Variants in RGSL1 observed in about 807,000 individuals in gnomAD.
The protein encoded by RGSL1 is regulator of G protein signaling like 1, also known as regulator of G protein signaling protein-like.
In RGSL1, 97 loss-of-function variants were observed where a neutral mutation model predicts 124.7. The ratio of observed to expected loss-of-function variants is 0.78; its 90% CI spans 0.66 to 0.92. The LOEUF (loss-of-function observed/expected upper bound fraction) is 0.92, where lower values mean the gene tolerates loss of function less well. Ranked by LOEUF, RGSL1 falls within the 40% of genes least tolerant of loss-of-function variation. The pLI is 0.00. For missense variants in RGSL1, 1,233 were observed against 1,288.4 expected, an observed-to-expected ratio of 0.96 and a Z score of 0.66; for synonymous variants, 424 against 438.1, an observed-to-expected ratio of 0.97 and a Z score of 0.40.
intron 14 of RGSL1, among the ~76,000 whole-genome samples, chr1:182,538,555 T>C (rs915490716): frequency 4.0e-5 from 6 of 151,224 alleles, no homozygotes; most frequent in Non-Finnish European, 8.8e-5. Flanking sequence ...AGCAGATTAG[T>C]AACTGTAGCC....
chr1:182,461,704 A>G (rs561731971), intron 4 of RGSL1, among the ~76,000 whole-genome samples: 133 of 152,322 alleles, frequency 8.7e-4, no homozygotes, highest in African/African-American at 3.1e-3. Context: ...GAAAAGCACA[A>G]CTAAAATGAA....
At chr1:182,522,698 A>G (rs764097002) in intron 10 of RGSL1, among the ~76,000 whole-genome samples, 20 of 152,188 alleles carry the variant, frequency 1.3e-4, no homozygotes, top group Non-Finnish European at 2.8e-4. Flanking sequence ...TTCTCCAAAT[A>G]TTATGTTTGC....
intron 12 of RGSL1, 101 bp from the exon 13 acceptor site, chr1:182,530,689 A>C: frequency 7.6e-7 from 1 of 1,313,894 alleles, no homozygotes; most frequent in South Asian, 1.6e-5. Context: ...CCCAATTACC[A>C]CTGAGAGTTC....
rs1432651123 is a variant in RGSL1, at chr1:182,548,513, G to A, written c.2808+58G>A. The A allele has an allele frequency of 4.5e-6, 7 of 1,544,696 alleles. No homozygotes were observed. In the African/African-American group the frequency reaches 8.3e-5, roughly 18 times the overall value. On this transcript the variant is annotated intron_variant, in intron 16 of 21. Transcript: ENST00000294854. The stretch of plus-strand genomic sequence containing the variant: ...CACCAAGAAGCATTTCCCCCACAAG[G>A]ACAATTAGAAAGCTAATTGTCAGGC...
Position 182,473,565 on chromosome 1 carries a change from T to C in RGSL1, c.464-10T>C. 1.3e-6 allele frequency: 2 copies of C among 1,518,608 alleles called. No individual in the cohort carries two copies. The highest frequency in any genetic ancestry group is 1.8e-6 in the Non-Finnish European group (2 of 1,131,642). 94.1% of individuals were successfully genotyped at this position (1,518,608 alleles called of 1,614,324 possible). ...CATTTTCACCCATGATTTCTCTGTA[T>C]TATTTCCAGAGTCCCTCCTGAACCT... On this transcript the variant is annotated splice_polypyrimidine_tract_variant and intron_variant, in intron 5 of 21. Transcript: ENST00000294854.
At chr1:182,531,666 T>A (rs1659182172) in intron 13 of RGSL1, among the ~76,000 whole-genome samples, 1 of 152,090 alleles carries the variant, frequency 6.6e-6, no homozygotes, top group African/African-American at 2.4e-5. Flanking sequence ...ATGAATAAAC[T>A]CCATGTCAGG....
chr1:182,468,558 A>G (rs1653543011), intron 4 of RGSL1, among the ~76,000 whole-genome samples: 1 of 152,150 alleles, frequency 6.6e-6, no homozygotes, highest in Admixed American at 6.5e-5. Flanking sequence ...ATAGGTGGGA[A>G]TTGAACAATG....
chr1:182,530,328 A>G lies in RGSL1; in HGVS notation c.2210A>G (p.Gln737Arg). 1.3e-6 allele frequency: 2 copies of G among 1,550,980 alleles called. No individual in the cohort carries two copies. The highest frequency in any genetic ancestry group is 1.7e-6 in the Non-Finnish European group (2 of 1,146,474). The change falls in exon 12 of 22, where the codon CAG becomes CGG. Residue 737 changes from glutamine to arginine, a missense_variant. Transcript: ENST00000294854. ...HVTTSTLLTL[Q>R]GHVMKSIEEK... is the part of the protein sequence containing the mutation. ...ACCACAAGCACACTGTTAACGCTCC[A>G]GGGACATGTTATGAAATCTATAGAA... is the stretch of plus-strand genomic sequence containing the variant.
chr1:182,537,659 A>C (rs537828089), intron 14 of RGSL1, among the ~76,000 whole-genome samples: 1 of 152,252 alleles, frequency 6.6e-6, no homozygotes, highest in Admixed American at 6.5e-5. Flanking sequence ...TTGTATGGCT[A>C]TTCTCCACTA....
chr1:182,502,484 G>A (rs1423897123), intron 9 of RGSL1, among the ~76,000 whole-genome samples: 1 of 152,186 alleles, frequency 6.6e-6, no homozygotes, highest in Non-Finnish European at 1.5e-5. Context: ...GCTGGGGTGG[G>A]AGGATTGCTT....
rs986817808 is a variant in RGSL1 at position 182,530,794 on chromosome 1, A to C, written c.2248A>C (p.Lys750Gln). The change falls in exon 13 of 22, where the codon AAA becomes CAA. Residue 750 changes from lysine (K) to glutamine (Q), a missense_variant. Coordinates refer to ENST00000294854, the MANE Select transcript of RGSL1 (RefSeq NM_001137669.2). ...TTACTGATGTCCTTCTGACAGGTTT[A>C]AAGATTATCAAGACCTGTTCCCACC... is the stretch of plus-strand genomic sequence containing the variant. ...VMKSIEEKWFKDYQDLFPPHH... is the reference protein window; with the variant it reads ...VMKSIEEKWFQDYQDLFPPHH... 3 of 1,537,700 alleles carry C rather than the reference A, an allele frequency of 2.0e-6. No homozygotes were observed. In the African/African-American group the frequency reaches 4.2e-5, roughly 21 times the overall value.
intron 9 of RGSL1, among the ~76,000 whole-genome samples, chr1:182,493,715 T>C (rs1044812634): frequency 3.0e-4 from 45 of 152,232 alleles, no homozygotes; most frequent in African/African-American, 1.1e-3. Context: ...CTAGGGTTTA[T>C]AGCCAGGCAG....
At chr1:182,530,727 G>T in intron 12 of RGSL1, 63 bp from the exon 13 acceptor site, 1 of 1,458,588 alleles carries the variant, frequency 6.9e-7, no homozygotes, top group South Asian at 1.5e-5. Context: ...GGTTTGCCTG[G>T]ACTGTCATCT....
chr1:182,509,629 C>T (rs1470956843), intron 9 of RGSL1, among the ~76,000 whole-genome samples: 9 of 123,486 alleles, frequency 7.3e-5, no homozygotes, highest in South Asian at 2.7e-4. Context: ...GCAGAGGCGC[C>T]CCTCACCTCC....
intron 18 of RGSL1, among the ~76,000 whole-genome samples, chr1:182,552,270 C>T (rs1286206409): frequency 3.9e-5 from 6 of 152,142 alleles, no homozygotes; most frequent in African/African-American, 1.2e-4. Flanking sequence ...CCTGCCACTG[C>T]GCCCAGCTAA....
chr1:182,458,007 C>A (rs1213751035), intron 2 of RGSL1, among the ~76,000 whole-genome samples: 1 of 152,198 alleles, frequency 6.6e-6, no homozygotes, highest in East Asian at 1.9e-4. Context: ...TAAATATGTT[C>A]TAATATCATG....
intron 9 of RGSL1, among the ~76,000 whole-genome samples, chr1:182,497,512 A>AGTGGTT (rs1656023761): frequency 6.6e-6 from 1 of 151,984 alleles, no homozygotes; most frequent in South Asian, 2.1e-4. Context: ...GAACCACTTG[A>AGTGGTT]CAGTAGCTGT....
chr1:182,489,226 T>C, intron 8 of RGSL1, 24 bp downstream of exon 8: 1 of 1,539,354 alleles, frequency 6.5e-7, no homozygotes, highest in Non-Finnish European at 8.8e-7. Flanking sequence ...CTGTAATTTT[T>C]TTGACCTTTA....
At chr1:182,509,690 G>A (rs1410789857) in intron 9 of RGSL1, among the ~76,000 whole-genome samples, 14 of 137,750 alleles carry the variant, frequency 1.0e-4, no homozygotes, top group South Asian at 7.0e-4. Context: ...CCTCCCTCCC[G>A]GACGGCACGG....
Sources: allele counts gnomAD v4.1 joint callset (sites outside exome capture counted in the v4.1 genomes callset), GRCh38; gene constraint gnomAD v4.1.1; transcripts MANE v1.5; gene names NCBI Gene and HGNC (gene_info 2026-07-23, HGNC 2026-07-21).